ZBTB8A: variants seen among roughly 807,000 people sequenced by gnomAD.
ZBTB8A encodes the protein zinc finger and BTB domain-containing protein 8A.
Under a neutral mutation model 37.8 loss-of-function variants are expected in ZBTB8A, and 19 were observed. The ratio of observed to expected loss-of-function variants is 0.50; its 90% CI spans 0.35 to 0.74. The LOEUF is 0.74. Ranked by LOEUF, ZBTB8A falls within the 30% of genes least tolerant of loss-of-function variation. The pLI, the probability that ZBTB8A is intolerant of heterozygous loss-of-function variation, is 0.01. For synonymous variants in ZBTB8A, 181 were observed against 185.2 expected (o/e 0.98, Z 0.19); for missense variants, 394 against 537.8 (o/e 0.73, Z 2.65).
chr1:32,542,358 G>A (rs1644063245), intron 1 of ZBTB8A, among the ~76,000 whole-genome samples: 1 of 151,998 alleles, frequency 6.6e-6, no homozygotes. Flanking sequence ...TGTGGATCAC[G>A]AGGTCAGGAG....
intron 2 of ZBTB8A, among the ~76,000 whole-genome samples, chr1:32,584,789 C>T (rs549129703): frequency 6.4e-4 from 96 of 148,962 alleles, no homozygotes; most frequent in African/African-American, 2.2e-3. Flanking sequence ...CAAAGTGCCG[C>T]GATTAGAGGT....
At chr1:32,591,989 C>T (rs933781395) in intron 2 of ZBTB8A, among the ~76,000 whole-genome samples, 3 of 152,010 alleles carry the variant, frequency 2.0e-5, no homozygotes, top group Admixed American at 6.6e-5. Context: ...ACTACAGGCA[C>T]GCACCACCAT....
At chr1:32,556,883 A>C (rs916672973) in intron 2 of ZBTB8A, among the ~76,000 whole-genome samples, 21 of 152,018 alleles carry the variant, frequency 1.4e-4, no homozygotes, top group Non-Finnish European at 1.0e-4. Flanking sequence ...CTCAACAAAA[A>C]AAACAAAAAA....
intron 2 of ZBTB8A, among the ~76,000 whole-genome samples, chr1:32,554,198 C>CAA (rs1017025736): frequency 1.4e-3 from 71 of 50,098 alleles, no homozygotes; most frequent in African/African-American, 4.5e-3. Flanking sequence ...AGACTGTCTC[C>CAA]AAAAAAAAAA....
intron 2 of ZBTB8A, among the ~76,000 whole-genome samples, chr1:32,567,312 T>A (rs1644287423): frequency 6.6e-6 from 1 of 152,138 alleles, no homozygotes; most frequent in Non-Finnish European, 1.5e-5. Context: ...TCCAGTCACA[T>A]TCCACCAGGT....
chr1:32,599,791 A>G (rs1182747246), intron 4 of ZBTB8A, among the ~76,000 whole-genome samples: 2 of 152,140 alleles, frequency 1.3e-5, no homozygotes, highest in African/African-American at 2.4e-5. Context: ...TGCAATTATT[A>G]TTATCATAGG....
chr1:32,588,687 C>A (rs183911840), intron 2 of ZBTB8A, among the ~76,000 whole-genome samples: 1 of 151,728 alleles, frequency 6.6e-6, no homozygotes, highest in African/African-American at 2.4e-5. Context: ...TACTAATAAC[C>A]ATAAAAATGG....
In ZBTB8A at chr1:32,574,621, T is replaced by A. The variant is rs114403917; in HGVS notation, c.-1-18310T>A. Among the ~76,000 whole-genome samples the A allele has an allele frequency of 8.9e-3, 1,351 of 152,166 alleles. 21 individuals carry two copies. The highest frequency in any genetic ancestry group is 0.025 in the African/African-American group (1,050 of 41,508). On this transcript the variant is annotated intron_variant, in intron 2 of 4. Coordinates refer to ENST00000373510, the MANE Select transcript of ZBTB8A (RefSeq NM_001040441.3). ...CTAAAATTAAAAAATAAAAATTTTTTAAAAAATTATAACATGTTTTATGGC... is the reference window on the plus strand; with the variant it reads ...CTAAAATTAAAAAATAAAAATTTTTAAAAAAATTATAACATGTTTTATGGC...
chr1:32,596,228 G>C lies in ZBTB8A; in HGVS notation c.993+1005G>C, dbSNP rs905701978. 3.9e-5 allele frequency among the ~76,000 whole-genome samples: 6 copies of C among 152,196 alleles called. No homozygotes were observed. The East Asian group carries it at 1.2e-3, about 30-fold the overall frequency. ...ACTAAAAATACAAAAAAATTAGCCAGGCGTGGTGGCGGGCGCCTGCAATCC... is the reference window on the plus strand; with the variant it reads ...ACTAAAAATACAAAAAAATTAGCCACGCGTGGTGGCGGGCGCCTGCAATCC... On this transcript the variant is annotated intron_variant, in intron 4 of 4. Transcript: ENST00000373510.
chr1:32,569,109 C>T (rs1401621723), intron 2 of ZBTB8A, among the ~76,000 whole-genome samples: 1 of 152,186 alleles, frequency 6.6e-6, no homozygotes, highest in East Asian at 1.9e-4. Context: ...TTCTCCACAT[C>T]CTTGCCAACA....
At chr1:32,597,005 T>G (rs1644538167) in intron 4 of ZBTB8A, among the ~76,000 whole-genome samples, 1 of 152,006 alleles carries the variant, frequency 6.6e-6, no homozygotes, top group Admixed American at 6.6e-5. Flanking sequence ...ACACCTGCTT[T>G]CTTTTTTCTT....
chr1:32,546,468 A>G (rs917227007), intron 1 of ZBTB8A, among the ~76,000 whole-genome samples: 2 of 149,774 alleles, frequency 1.3e-5, no homozygotes, highest in African/African-American at 5.0e-5. Context: ...ATAAATAAAT[A>G]AAAGATTTTT....
chr1:32,599,638 A>G (rs1403571901), intron 4 of ZBTB8A, among the ~76,000 whole-genome samples: 1 of 151,634 alleles, frequency 6.6e-6, no homozygotes, highest in African/African-American at 2.4e-5. Context: ...AATTGCATGA[A>G]CCCCGGAGGC....
rs920673900 is a variant in ZBTB8A at position 32,562,757 on chromosome 1, T to C, written c.-2+9217T>C. Among the ~76,000 whole-genome samples the C allele has an allele frequency of 7.3e-5, 11 of 151,482 alleles. No individual in the cohort carries two copies. The East Asian group carries it at 2.2e-3, about 30-fold the overall frequency. ...CCACCACACCCAGCTAATTTTTTTG[T>C]ATTTTAGTAGAGACGGGGTTTCACC... On this transcript the variant is annotated intron_variant, in intron 2 of 4. Transcript: ENST00000373510.
chr1:32,546,927 G>C (rs1644109274), intron 1 of ZBTB8A, among the ~76,000 whole-genome samples: 2 of 151,836 alleles, frequency 1.3e-5, no homozygotes, highest in Admixed American at 1.3e-4. Context: ...TTTGAGACAG[G>C]GTCTTGCCCT....
At chr1:32,546,702 G>A (rs1366937298) in intron 1 of ZBTB8A, among the ~76,000 whole-genome samples, 1 of 152,164 alleles carries the variant, frequency 6.6e-6, no homozygotes, top group African/African-American at 2.4e-5. Flanking sequence ...TGTATCAAAA[G>A]ATGAAGTTGT....
intron 2 of ZBTB8A, among the ~76,000 whole-genome samples, chr1:32,584,418 G>A (rs139336241): frequency 1.9e-4 from 28 of 151,154 alleles, no homozygotes; most frequent in Non-Finnish European, 2.8e-4. Flanking sequence ...ACTAATTTAC[G>A]ATTTTTTAAG....
intron 4 of ZBTB8A, among the ~76,000 whole-genome samples, chr1:32,599,601 C>G (rs955338493): frequency 1.3e-5 from 2 of 151,976 alleles, no homozygotes; most frequent in Admixed American, 6.6e-5. Context: ...CCTGTAATAC[C>G]AGCTACTCAG....
At position 32,603,552 on chromosome 1, in the gene ZBTB8A, G is replaced by C. The variant is rs1425933357; in HGVS notation, c.*3133G>C. Reference sequence around the variant, plus strand: ...AAAACCTGATTTTTTAGTTGTTGGAGCCAGTAGGAAAAATGGCTGATTTGA... The same window carrying C: ...AAAACCTGATTTTTTAGTTGTTGGACCCAGTAGGAAAAATGGCTGATTTGA... On this transcript the variant is annotated 3_prime_UTR_variant, in exon 5 of 5. Transcript: ENST00000373510. 6.6e-6 allele frequency: 1 copy of C among 152,628 alleles called. No individual in the cohort carries two copies. The highest frequency in any genetic ancestry group is 1.5e-5 in the Non-Finnish European group (1 of 68,036). The allele number at this position is 152,628 out of a possible 1,614,324, so 9.5% of individuals were successfully genotyped here.
Sources: gnomAD v4.1 joint callset for allele counts (sites outside exome capture counted in the v4.1 genomes callset) on GRCh38, gnomAD v4.1.1 for gene constraint, MANE v1.5 for transcripts, NCBI Gene and HGNC (gene_info 2026-07-23, HGNC 2026-07-21) for gene names.